NDST4: variants seen among roughly 807,000 people sequenced by gnomAD.
The protein encoded by NDST4 is N-deacetylase and N-sulfotransferase 4, also known as N-heparan sulfate sulfotransferase 4.
In NDST4, 63 loss-of-function variants were observed where a neutral mutation model predicts 100.8. The observed-to-expected ratio is 0.62, with a 90% CI of 0.51 to 0.77. NDST4 has a LOEUF of 0.77. NDST4 is among the 30% of genes least tolerant of loss of function. NDST4 has a pLI of 0.00. For synonymous variants in NDST4, 377 were observed against 361.8 expected (o/e 1.04, Z -0.48); for missense variants, 943 against 1,018.4 (o/e 0.93, Z 1.01).
chr4:114,953,880 G>T (rs1726078629), intron 4 of NDST4, among the ~76,000 whole-genome samples: 1 of 152,062 alleles, frequency 6.6e-6, no homozygotes, highest in African/African-American at 2.4e-5. Context: ...GGATATAAAA[G>T]AATACTTTTA....
intron 2 of NDST4, among the ~76,000 whole-genome samples, chr4:115,039,389 T>A (rs1313095474): frequency 6.6e-6 from 1 of 151,886 alleles, no homozygotes; most frequent in East Asian, 1.9e-4. Context: ...CATATGAACC[T>A]CAGAGCTAAC....
intron 2 of NDST4, among the ~76,000 whole-genome samples, chr4:114,983,978 C>T (rs1726840090): frequency 1.3e-5 from 2 of 152,062 alleles, no homozygotes; most frequent in Admixed American, 6.6e-5. Context: ...TTTCTTCCTC[C>T]TCCTGCCAAG....
At chr4:114,902,121 T>A (rs1724854364) in intron 6 of NDST4, among the ~76,000 whole-genome samples, 1 of 152,078 alleles carries the variant, frequency 6.6e-6, no homozygotes, top group Admixed American at 6.6e-5. Context: ...ATGTGTTAGA[T>A]TAACTAAGAA....
chr4:115,007,910 G>C lies in NDST4; in HGVS notation c.979-30636C>G, dbSNP rs1016890143. ...TGAGGCCTGAGTAAAAGCTGGCTCT[G>C]TTCCTGAGTTGTCCTTGGAATTCAA... On this transcript the variant is annotated intron_variant, in intron 2 of 13. Transcript: ENST00000264363. Among the ~76,000 whole-genome samples the C allele has an allele frequency of 6.9e-5, 9 of 129,768 alleles. 3 individuals are homozygous for C. In the South Asian group the frequency reaches 2.1e-3, roughly 30 times the overall value. The allele number at this position is 129,768 out of a possible 152,430, so 85.1% of individuals were successfully genotyped here. A position where few individuals can be genotyped will look rare whatever the true frequency, so the allele number is the denominator to read the frequency against.
At chr4:114,980,603 T>C (rs899606) in intron 2 of NDST4, among the ~76,000 whole-genome samples, 68,018 of 151,664 alleles carry the variant, frequency 0.45, 16,814 homozygotes, top group Non-Finnish European at 0.58. Flanking sequence ...GATTGCGCAA[T>C]GGCACTCCAG....
At chr4:114,829,429 T>C (rs1013364140) in intron 13 of NDST4, among the ~76,000 whole-genome samples, 2 of 152,214 alleles carry the variant, frequency 1.3e-5, no homozygotes, top group Admixed American at 6.5e-5. Context: ...AGGCCTTGAA[T>C]ATCTGTATTG....
chr4:115,017,365 C>T (rs928574859), intron 2 of NDST4, among the ~76,000 whole-genome samples: 10 of 151,950 alleles, frequency 6.6e-5, no homozygotes, highest in African/African-American at 2.2e-4. Flanking sequence ...ATATGCATTT[C>T]CTGTTTTTGT....
chr4:114,850,222 T>C (rs1340688254), intron 8 of NDST4, among the ~76,000 whole-genome samples: 2 of 152,204 alleles, frequency 1.3e-5, no homozygotes, highest in East Asian at 1.9e-4. Context: ...TATCTAAATA[T>C]AGACACTTTA....
Position 114,937,300 on chromosome 4 carries a change from A to G in NDST4, c.1407+18T>C, listed in dbSNP as rs772378896. 7.4e-6 allele frequency: 12 copies of G among 1,613,660 alleles called. No homozygotes were observed. Among genetic ancestry groups the G allele is most frequent in the Admixed American group, 5.0e-5 (3 of 59,998 alleles). On this transcript the variant is annotated intron_variant, in intron 5 of 13. Coordinates refer to ENST00000264363, the MANE Select transcript of NDST4 (RefSeq NM_022569.3). ...TAAATATTAACATCCTTCAATATACATGGCTCTCTGTGCTCACCATGATGC... is the reference window on the plus strand; with the variant it reads ...TAAATATTAACATCCTTCAATATACGTGGCTCTCTGTGCTCACCATGATGC...
At chr4:114,831,034 T>A (rs1440941821) in intron 12 of NDST4, among the ~76,000 whole-genome samples, 2 of 152,350 alleles carry the variant, frequency 1.3e-5, no homozygotes, top group Non-Finnish European at 2.9e-5. Context: ...GAAAGAGTCA[T>A]TTCCAACCTG....
chr4:114,988,656 C>T lies in NDST4; in HGVS notation c.979-11382G>A, dbSNP rs558425079. Among the ~76,000 whole-genome samples, 118 of 152,016 alleles carry T rather than the reference C, an allele frequency of 7.8e-4. 1 individual carries two copies. Among genetic ancestry groups the T allele is most frequent in the East Asian group, 5.8e-4 (3 of 5,156 alleles). On this transcript the variant is annotated intron_variant, in intron 2 of 13. Transcript: ENST00000264363. The stretch of plus-strand genomic sequence containing the variant: ...GATTACAGGTGTGAGCCACCATGCC[C>T]GGCCTACATACGTCTTTAAATGTGT...
intron 2 of NDST4, among the ~76,000 whole-genome samples, chr4:114,995,004 T>C (rs577705870): frequency 2.0e-5 from 3 of 152,064 alleles, no homozygotes; most frequent in Admixed American, 6.6e-5. Flanking sequence ...ATCAATATTA[T>C]AGATTATTGA....
chr4:114,861,962 T>C (rs1171220941), intron 7 of NDST4, among the ~76,000 whole-genome samples: 1 of 152,140 alleles, frequency 6.6e-6, no homozygotes, highest in Non-Finnish European at 1.5e-5. Flanking sequence ...ATTTTCTTTG[T>C]GTGTATGTTT....
intron 12 of NDST4, among the ~76,000 whole-genome samples, chr4:114,830,412 A>G (rs1414627948): frequency 1.3e-5 from 2 of 152,232 alleles, no homozygotes; most frequent in Non-Finnish European, 2.9e-5. Context: ...CAAAATGCTT[A>G]CACTTTTCAA....
intron 7 of NDST4, among the ~76,000 whole-genome samples, chr4:114,855,494 C>A (rs1001682998): frequency 6.6e-5 from 10 of 152,278 alleles, no homozygotes; most frequent in African/African-American, 2.4e-4. Flanking sequence ...CTGCATGCAG[C>A]TATCCAGTTT....
chr4:114,837,158 G>C (rs1173128192), intron 11 of NDST4, among the ~76,000 whole-genome samples: 1 of 152,072 alleles, frequency 6.6e-6, no homozygotes, highest in East Asian at 1.9e-4. Flanking sequence ...TTGTGCCTTT[G>C]CTGGAGAGGA....
chr4:114,969,321 GAAAAAAAAAAAA>G (rs70964334), intron 4 of NDST4, among the ~76,000 whole-genome samples: 2 of 90,720 alleles, frequency 2.2e-5, no homozygotes, highest in Non-Finnish European at 4.4e-5. Context: ...CTCAAAAAAA[GAAAAAAAAAAAA>G]AAAAAAAAAA....
At chr4:115,026,280 A>C (rs1727982413) in intron 2 of NDST4, among the ~76,000 whole-genome samples, 1 of 152,130 alleles carries the variant, frequency 6.6e-6, no homozygotes, top group Non-Finnish European at 1.5e-5. Context: ...TTATTTCTGT[A>C]GAAAAAATGT....
chr4:114,977,019 AT>A (rs151106303), intron 3 of NDST4, among the ~76,000 whole-genome samples, 167 bp downstream of exon 3: 1,812 of 151,576 alleles, frequency 0.012, 39 homozygotes, highest in African/African-American at 0.04. Flanking sequence ...TTTAAACAGT[AT>A]TTGCCAAGGT....
Sources: allele counts gnomAD v4.1 joint callset (sites outside exome capture counted in the v4.1 genomes callset), GRCh38; gene constraint gnomAD v4.1.1; transcripts MANE v1.5; gene names NCBI Gene and HGNC (gene_info 2026-07-23, HGNC 2026-07-21).